CDC20B: variants seen among roughly 807,000 people sequenced by gnomAD.
The protein encoded by CDC20B is cell division cycle 20B, also known as cell division cycle protein 20 homolog B.
In CDC20B, 58 loss-of-function variants were observed where a neutral mutation model predicts 64.1. That is an observed-to-expected ratio of 0.90 (90% CI 0.73 to 1.13). The LOEUF (loss-of-function observed/expected upper bound fraction) is 1.13, where lower values mean the gene tolerates loss of function less well. CDC20B is among the 50% of genes most tolerant of loss of function. CDC20B has a pLI of 0.00. For synonymous variants in CDC20B, 243 were observed against 230.6 expected (o/e 1.05, Z -0.49); for missense variants, 597 against 633.0 (o/e 0.94, Z 0.61).
chr5:55,130,367 C>G (rs1301611007), intron 6 of CDC20B, among the ~76,000 whole-genome samples: 1 of 152,042 alleles, frequency 6.6e-6, no homozygotes, highest in African/African-American at 2.4e-5. Context: ...AAGAATGAAG[C>G]CTCAGCGAAT....
chr5:55,161,597 G>A (rs1244145033), intron 2 of CDC20B, among the ~76,000 whole-genome samples: 4 of 152,158 alleles, frequency 2.6e-5, no homozygotes, highest in South Asian at 2.1e-4. Flanking sequence ...GTCCCTTCCC[G>A]TCATTATAGC....
chr5:55,141,555 C>A (rs1193871940), intron 4 of CDC20B, among the ~76,000 whole-genome samples: 4 of 152,224 alleles, frequency 2.6e-5, no homozygotes, highest in Non-Finnish European at 5.9e-5. Flanking sequence ...TCTATACTCA[C>A]TGAGTCACGA....
At chr5:55,153,240 T>TTA (rs1377347596) in intron 2 of CDC20B, among the ~76,000 whole-genome samples, 6 of 87,622 alleles carry the variant, frequency 6.8e-5, no homozygotes, top group African/African-American at 3.1e-4. Context: ...CCTTGTCTCA[T>TTA]AAAAAAAAAA....
At chr5:55,141,869 C>T (rs1271635278) in intron 4 of CDC20B, among the ~76,000 whole-genome samples, 1 of 152,174 alleles carries the variant, frequency 6.6e-6, no homozygotes, top group African/African-American at 2.4e-5. Context: ...CCCAGGCCTT[C>T]ACCCACAAGA....
intron 7 of CDC20B, among the ~76,000 whole-genome samples, chr5:55,127,558 T>C (rs1243646340): frequency 6.6e-6 from 1 of 152,174 alleles, no homozygotes; most frequent in Non-Finnish European, 1.5e-5. Context: ...ATTTAGTTGG[T>C]AGAGTAGAGC....
At chr5:55,122,635 C>A (rs1742786509) in intron 9 of CDC20B, among the ~76,000 whole-genome samples, 2 of 152,140 alleles carry the variant, frequency 1.3e-5, no homozygotes, top group South Asian at 4.1e-4. Flanking sequence ...GCATGAATTG[C>A]AAAATTAGGT....
At chr5:55,127,642 C>A (rs1018603292) in intron 7 of CDC20B, among the ~76,000 whole-genome samples, 1 of 152,142 alleles carries the variant, frequency 6.6e-6, no homozygotes, top group Non-Finnish European at 1.5e-5. Context: ...AGAATTATTA[C>A]CACATTTCTA....
At chr5:55,124,452 G>A (rs1227886490) in intron 9 of CDC20B, among the ~76,000 whole-genome samples, 1 of 152,178 alleles carries the variant, frequency 6.6e-6, no homozygotes. Flanking sequence ...GATAAGCAGA[G>A]CCAAGAGCTA....
At chr5:55,170,766 A>T (rs768337473) in intron 2 of CDC20B, 1 of 511,864 alleles carries the variant, frequency 2.0e-6, no homozygotes, top group Admixed American at 2.0e-5. Flanking sequence ...TGGCCCAGGC[A>T]GTCACTGAGG....
rs190612331 is a variant in CDC20B, at chr5:55,163,754, C to T, written c.126+8834G>A. ...AACTCCTGATCTTAGGTGATCCACC[C>T]GCCTCAGCCTCCCAAAGTGCTGGGA... On this transcript the variant is annotated intron_variant, in intron 2 of 11. Coordinates refer to ENST00000381375, the MANE Select transcript of CDC20B (RefSeq NM_001170402.1). Among the ~76,000 whole-genome samples, 274 of 150,620 alleles carry T rather than the reference C, an allele frequency of 1.8e-3. 2 individuals carry two copies. In the Middle Eastern group the frequency reaches 0.021, roughly 11 times the overall value.
At chr5:55,150,516 A>G (rs1267345228) in intron 2 of CDC20B, among the ~76,000 whole-genome samples, 1 of 152,218 alleles carries the variant, frequency 6.6e-6, no homozygotes, top group East Asian at 1.9e-4. Flanking sequence ...CTTCTTTCGC[A>G]GAAGACAGGA....
intron 7 of CDC20B, among the ~76,000 whole-genome samples, chr5:55,127,652 A>G (rs1742928690): frequency 6.6e-6 from 1 of 152,186 alleles, no homozygotes; most frequent in African/African-American, 2.4e-5. Flanking sequence ...CCACATTTCT[A>G]GCTCCTTCTA....
intron 2 of CDC20B, among the ~76,000 whole-genome samples, chr5:55,162,046 A>G (rs1029503128): frequency 2.0e-5 from 3 of 147,750 alleles, no homozygotes; most frequent in Non-Finnish European, 4.4e-5. Flanking sequence ...AAGTACTTAT[A>G]CACTGCTTGC....
chr5:55,159,417 A>C (rs1010884335), intron 2 of CDC20B, among the ~76,000 whole-genome samples: 9 of 152,212 alleles, frequency 5.9e-5, no homozygotes, highest in African/African-American at 2.2e-4. Flanking sequence ...GTGGGGGTGC[A>C]TCACAGTTCA....
At chr5:55,166,158 T>A (rs1191320162) in intron 2 of CDC20B, 1 of 152,166 alleles carries the variant, frequency 6.6e-6, no homozygotes, top group African/African-American at 2.4e-5. Flanking sequence ...GCATTCACGT[T>A]AGGAGCATGA....
intron 2 of CDC20B, among the ~76,000 whole-genome samples, chr5:55,169,324 A>C (rs1195167896): frequency 2.0e-5 from 3 of 152,252 alleles, no homozygotes; most frequent in Non-Finnish European, 4.4e-5. Context: ...TTTTACCAAT[A>C]ACTTATAATC....
intron 2 of CDC20B, among the ~76,000 whole-genome samples, chr5:55,162,117 C>CGGGCGCG (rs1298996751): frequency 1.4e-5 from 2 of 146,010 alleles, no homozygotes; most frequent in East Asian, 4.0e-4. Flanking sequence ...AAAAAAAGGC[C>CGGGCGCG]GGGCGCGGTG....
intron 2 of CDC20B, among the ~76,000 whole-genome samples, chr5:55,169,926 A>C (rs1744536724): frequency 6.6e-6 from 1 of 152,196 alleles, no homozygotes; most frequent in Non-Finnish European, 1.5e-5. Context: ...ATCCCAGCTA[A>C]CACGGTGAAA....
chr5:55,173,011 C>T lies in CDC20B; in HGVS notation c.-11G>A, dbSNP rs1230366457. 1.2e-6 allele frequency: 2 copies of T among 1,608,478 alleles called. No homozygotes were observed. Among genetic ancestry groups the T allele is most frequent in the Non-Finnish European group, 1.7e-6 (2 of 1,177,638 alleles). ...CAGTTTCCACTCCATCTCCGGCTGA[C>T]TTCGCCCTGCCTGGCGTTTGGCCTC... On this transcript the variant is annotated 5_prime_UTR_variant, in exon 1 of 12. Coordinates refer to ENST00000381375, the MANE Select transcript of CDC20B (RefSeq NM_001170402.1).
Sources: gnomAD v4.1 joint callset for allele counts (sites outside exome capture counted in the v4.1 genomes callset) on GRCh38, gnomAD v4.1.1 for gene constraint, MANE v1.5 for transcripts, NCBI Gene and HGNC (gene_info 2026-07-23, HGNC 2026-07-21) for gene names.